Variants in SCN8A observed in about 807,000 individuals in gnomAD.
SCN8A encodes the protein sodium channel protein type 8 subunit alpha.
In SCN8A, 30 loss-of-function variants were observed where a neutral mutation model predicts 184.1. That is an observed-to-expected ratio of 0.16 (90% CI 0.12 to 0.22). The LOEUF (loss-of-function observed/expected upper bound fraction) is 0.22, where lower values mean the gene tolerates loss of function less well. SCN8A is among the 10% of genes least tolerant of loss of function. SCN8A has a pLI of 1.00. For missense variants in SCN8A, 1,057 were observed against 2,498.9 expected, an observed-to-expected ratio of 0.42 and a Z score of 12.30; for synonymous variants, 852 against 907.0, an observed-to-expected ratio of 0.94 and a Z score of 1.09.
chr12:51,778,055 G>A (rs1416562858), intron 20 of SCN8A, among the ~76,000 whole-genome samples: 1 of 152,190 alleles, frequency 6.6e-6, no homozygotes, highest in Non-Finnish European at 1.5e-5. Flanking sequence ...TGGAGAGAAA[G>A]GGATTAGTTG....
intron 1 of SCN8A, among the ~76,000 whole-genome samples, chr12:51,641,316 G>C (rs1565870164): frequency 6.6e-6 from 1 of 152,158 alleles, no homozygotes; most frequent in Non-Finnish European, 1.5e-5. Context: ...GGGAGTGTGT[G>C]TATCTTGGAA....
At chr12:51,786,407 G>A (rs548762070) in intron 21 of SCN8A, 135 bp from the exon 22 acceptor site, 3 of 1,003,340 alleles carry the variant, frequency 3.0e-6, no homozygotes, top group African/African-American at 3.3e-5. Flanking sequence ...AGTCTGTCCA[G>A]TTACTCTAAT....
At chr12:51,761,514 C>T (rs990310615) in intron 14 of SCN8A, among the ~76,000 whole-genome samples, 2 of 150,942 alleles carry the variant, frequency 1.3e-5, no homozygotes, top group South Asian at 2.1e-4. Flanking sequence ...CTTGCTGTGT[C>T]GCCTGTGCTG....
intron 6 of SCN8A, among the ~76,000 whole-genome samples, chr12:51,697,133 T>G (rs911153980): frequency 1.3e-5 from 2 of 152,008 alleles, no homozygotes; most frequent in Non-Finnish European, 2.9e-5. Context: ...TGTCTGATGC[T>G]CTTTCTGCAC....
chr12:51,728,509 A>C (rs1002085857), intron 12 of SCN8A, among the ~76,000 whole-genome samples: 14 of 152,100 alleles, frequency 9.2e-5, no homozygotes, highest in African/African-American at 3.1e-4. Context: ...TGAGGCAGGA[A>C]AATTGCTTGA....
chr12:51,749,736 T>C (rs1942568304), intron 13 of SCN8A, among the ~76,000 whole-genome samples: 1 of 152,056 alleles, frequency 6.6e-6, no homozygotes, highest in Admixed American at 6.6e-5. Flanking sequence ...TTGTCTAAAA[T>C]AAAGCATCGC....
chr12:51,653,944 T>A (rs1400093562), intron 1 of SCN8A, among the ~76,000 whole-genome samples: 1 of 152,262 alleles, frequency 6.6e-6, no homozygotes, highest in Non-Finnish European at 1.5e-5. Context: ...TATTACCTAA[T>A]GATTAATGAT....
chr12:51,712,062 G>T (rs1941886955), intron 11 of SCN8A, among the ~76,000 whole-genome samples: 1 of 152,008 alleles, frequency 6.6e-6, no homozygotes, highest in Non-Finnish European at 1.5e-5. Context: ...TAGAAAAACT[G>T]AACTACATAA....
chr12:51,774,265 A>G lies in SCN8A; in HGVS notation c.3722A>G (p.Tyr1241Cys), dbSNP rs796053213. 10 of 1,614,004 alleles carry G rather than the reference A, an allele frequency of 6.2e-6. No individual in the cohort carries two copies. Among genetic ancestry groups the G allele is most frequent in the Admixed American group, 1.7e-5 (1 of 60,000 alleles). The change falls in exon 20 of 27, where the codon TAT (tyrosine) becomes TGT (cysteine). Residue 1241 changes from tyrosine to cysteine, a missense_variant. Coordinates refer to ENST00000627620, the MANE Select transcript of SCN8A (RefSeq NM_001330260.2). ...GAATATGCTGACAAAGTCTTCACCT[A>G]TATCTTCATCCTGGAGATGTTGCTC... ...ILEYADKVFT[Y>C]IFILEMLLKW...
intron 12 of SCN8A, among the ~76,000 whole-genome samples, chr12:51,734,038 G>A (rs1942284381): frequency 6.6e-6 from 1 of 151,682 alleles, no homozygotes; most frequent in African/African-American, 2.4e-5. Context: ...TTGTTTCATT[G>A]ATCTTTTGTA....
rs538883540 is a variant in SCN8A at position 51,769,198 on chromosome 12, A to G, written c.3235A>G (p.Ile1079Val). The G allele has an allele frequency of 6.8e-6, 11 of 1,613,964 alleles. No individual in the cohort carries two copies. The highest frequency in any genetic ancestry group is 1.7e-5 in the Admixed American group (1 of 60,012). Residue 1079 changes from isoleucine (I) to valine (V), a missense_variant, in exon 17 of 27, where the codon ATT becomes GTT. Coordinates refer to ENST00000627620, the MANE Select transcript of SCN8A (RefSeq NM_001330260.2). Reference sequence around the variant, plus strand: ...TGGCAGCAGCGTGGAGAAGTACATCATTGATGAGGACCACATGTCCTTCAT... The same window carrying G: ...TGGCAGCAGCGTGGAGAAGTACATCGTTGATGAGGACCACATGTCCTTCAT... ...GIGSSVEKYI[I>V]DEDHMSFINN...
At chr12:51,775,992 CATTT>C (rs1193523318) in intron 20 of SCN8A, among the ~76,000 whole-genome samples, 10 of 152,180 alleles carry the variant, frequency 6.6e-5, no homozygotes, top group Admixed American at 3.9e-4. Context: ...TACACATTAG[CATTT>C]ATTTATTTTT....
At chr12:51,805,968 A>G (rs112798716) in intron 26 of SCN8A, among the ~76,000 whole-genome samples, 2 of 152,242 alleles carry the variant, frequency 1.3e-5, no homozygotes, top group African/African-American at 4.8e-5. Flanking sequence ...AACTGGAATT[A>G]CAGATGTGCA....
chr12:51,727,445 G>A (rs1405352490), intron 12 of SCN8A, among the ~76,000 whole-genome samples: 1 of 152,104 alleles, frequency 6.6e-6, no homozygotes, highest in Non-Finnish European at 1.5e-5. Context: ...GATAGAGAAG[G>A]GGAGGGAAAG....
intron 10 of SCN8A, among the ~76,000 whole-genome samples, chr12:51,705,849 G>A (rs977101933): frequency 1.3e-5 from 2 of 152,148 alleles, no homozygotes; most frequent in Admixed American, 6.5e-5. Flanking sequence ...TTGCTCAACT[G>A]TTCAGTGTGC....
At chr12:51,651,586 A>G (rs1004144280) in intron 1 of SCN8A, among the ~76,000 whole-genome samples, 6 of 152,176 alleles carry the variant, frequency 3.9e-5, no homozygotes, top group African/African-American at 1.4e-4. Flanking sequence ...ATCTCAGGAG[A>G]CTTATTCACT....
At chr12:51,693,281 T>C (rs970726006) in intron 6 of SCN8A, among the ~76,000 whole-genome samples, 1 of 152,236 alleles carries the variant, frequency 6.6e-6, no homozygotes, top group Non-Finnish European at 1.5e-5. Flanking sequence ...TTTTCCCACA[T>C]TGCTTCTTAG....
At chr12:51,801,244 T>C (rs1938548834) in intron 26 of SCN8A, among the ~76,000 whole-genome samples, 1 of 152,194 alleles carries the variant, frequency 6.6e-6, no homozygotes, top group African/African-American at 2.4e-5. Flanking sequence ...ACTCAGCCCC[T>C]GCCACCTTGG....
At chr12:51,748,098 G>T (rs1942541786) in intron 13 of SCN8A, among the ~76,000 whole-genome samples, 1 of 152,130 alleles carries the variant, frequency 6.6e-6, no homozygotes, top group South Asian at 2.1e-4. Context: ...AGCAATGAAT[G>T]GCTGACCGGA....
Sources: allele counts gnomAD v4.1 joint callset (sites outside exome capture counted in the v4.1 genomes callset), GRCh38; gene constraint gnomAD v4.1.1; transcripts MANE v1.5; gene names NCBI Gene and HGNC (gene_info 2026-07-23, HGNC 2026-07-21).